The following TENM3 variants were observed in gnomAD, a reference collection of about 807,000 sequenced individuals.
TENM3 encodes teneurin transmembrane protein 3.
A neutral mutation model predicts 255.1 loss-of-function variants in TENM3; 63 were observed. The observed-to-expected ratio is 0.25, with a 90% confidence interval of 0.20 to 0.30. TENM3 has a LOEUF of 0.30. TENM3 is among the 10% of genes least tolerant of loss of function. The probability of loss-of-function intolerance (pLI) is 1.00; values close to 1 mark genes in which losing one functional copy is unlikely to be tolerated. For synonymous variants in TENM3, 1,306 were observed against 1,322.3 expected (o/e 0.99, Z 0.27); for missense variants, 2,929 against 3,461.1 (o/e 0.85, Z 3.86).
chr4:182,034,064 G>A, the TENM3 span, among the ~76,000 whole-genome samples: 1 of 152,134 alleles, frequency 6.6e-6, no homozygotes, highest in African/African-American at 2.4e-5. Context: ...CACAAGTGGT[G>A]GAAGGCAAAG....
upstream of TENM3, among the ~76,000 whole-genome samples, chr4:182,240,178 C>G (rs1757152669): frequency 6.6e-6 from 1 of 152,080 alleles, no homozygotes; most frequent in Non-Finnish European, 1.5e-5. Flanking sequence ...CCACAGCCAC[C>G]CGGATATTTC....
At chr4:182,053,037 C>T in the TENM3 span, among the ~76,000 whole-genome samples, 1 of 152,030 alleles carries the variant, frequency 6.6e-6, no homozygotes, top group Admixed American at 6.6e-5. Context: ...CAGGCTGGAC[C>T]GAAACTTCTG....
intron 3 of TENM3, among the ~76,000 whole-genome samples, chr4:182,599,434 G>T (rs1474928923): frequency 1.3e-5 from 2 of 152,102 alleles, no homozygotes; most frequent in African/African-American, 2.4e-5. Flanking sequence ...ATCAGAAACT[G>T]CAAGGAAGTA....
chr4:182,800,043 A>C lies in TENM3; in HGVS notation c.7792A>C (p.Met2598Leu). ...GRTRRFADVE[M>L]QFGALALHVR... ...GACGCGCAGGTTCGCGGACGTGGAG[A>C]TGCAGTTCGGCGCGCTGGCGCTGCA... is the stretch of plus-strand genomic sequence containing the variant. Residue 2598 changes from methionine (M) to leucine (L), a missense_variant, in exon 28 of 28, where the codon ATG (methionine) becomes CTG (leucine). Met to Leu is a conservative substitution (Grantham distance 15). Coordinates refer to ENST00000511685, the MANE Select transcript of TENM3 (RefSeq NM_001080477.4). The C allele has an allele frequency of 6.2e-7, 1 of 1,600,954 alleles. No individual in the cohort carries two copies. Among genetic ancestry groups the C allele is most frequent in the Admixed American group, 1.7e-5 (1 of 58,628 alleles).
chr4:182,157,648 TC>T (rs75026681), intron 1 of TENM3, among the ~76,000 whole-genome samples: 15,915 of 152,266 alleles, frequency 0.1, 1,054 homozygotes, highest in South Asian at 0.21. Flanking sequence ...TTTGAAGATC[TC>T]CTGTGATTCA....
chr4:182,523,725 C>T (rs1738820743), intron 3 of TENM3, among the ~76,000 whole-genome samples: 1 of 152,070 alleles, frequency 6.6e-6, no homozygotes, highest in African/African-American at 2.4e-5. Context: ...CTGTTTGTTT[C>T]TTGGTTGAAG....
chr4:182,561,985 C>CAGGTAGATAGATAGAT (rs1743234014), intron 3 of TENM3, among the ~76,000 whole-genome samples: 1 of 145,206 alleles, frequency 6.9e-6, no homozygotes, highest in South Asian at 2.3e-4. Flanking sequence ...GATAGATAGA[C>CAGGTAGATAGATAGAT]AGATAGATAG....
chr4:182,557,610 A>G (rs1742700992), intron 3 of TENM3, among the ~76,000 whole-genome samples: 1 of 152,170 alleles, frequency 6.6e-6, no homozygotes, highest in Non-Finnish European at 1.5e-5. Flanking sequence ...GATTGAATCT[A>G]CATATAGTCT....
chr4:182,705,145 G>C (rs1758179933), intron 12 of TENM3, among the ~76,000 whole-genome samples: 1 of 152,172 alleles, frequency 6.6e-6, no homozygotes, highest in Non-Finnish European at 1.5e-5. Flanking sequence ...TTGCTGATTG[G>C]AATAAGTGGA....
intron 3 of TENM3, among the ~76,000 whole-genome samples, chr4:182,441,682 G>A (rs1252259376): frequency 1.3e-5 from 2 of 152,238 alleles, no homozygotes; most frequent in East Asian, 3.9e-4. Flanking sequence ...ATTTTTAGTA[G>A]AGATGGGGTT....
At chr4:182,476,723 C>T (rs1182882318) in intron 3 of TENM3, among the ~76,000 whole-genome samples, 1 of 152,148 alleles carries the variant, frequency 6.6e-6, no homozygotes, top group Non-Finnish European at 1.5e-5. Flanking sequence ...ACAATACTTC[C>T]ACGGATAAAG....
At chr4:181,815,462 CAAA>C in the TENM3 span, among the ~76,000 whole-genome samples, 75 of 82,050 alleles carry the variant, frequency 9.1e-4, no homozygotes, top group East Asian at 0.028. Flanking sequence ...GACTCCCTAT[CAAA>C]AAAAAAAAAA....
At chr4:181,600,525 T>A in the TENM3 span, among the ~76,000 whole-genome samples, 1 of 152,062 alleles carries the variant, frequency 6.6e-6, no homozygotes, top group Non-Finnish European at 1.5e-5. Flanking sequence ...GCAAACACTT[T>A]CCCTAGCTCC....
At chr4:182,258,668 T>C (rs1472715226) in intron 1 of TENM3, among the ~76,000 whole-genome samples, 1 of 152,246 alleles carries the variant, frequency 6.6e-6, no homozygotes, top group East Asian at 1.9e-4. Flanking sequence ...GTATGTGCTA[T>C]AGCCTTTAGT....
intron 1 of TENM3, among the ~76,000 whole-genome samples, chr4:182,212,759 T>C (rs1755140133): frequency 6.6e-6 from 1 of 152,172 alleles, no homozygotes; most frequent in African/African-American, 2.4e-5. Flanking sequence ...GTGTGACAAG[T>C]GGAAGAAAAT....
the TENM3 span, among the ~76,000 whole-genome samples, chr4:181,686,592 C>G: frequency 1.3e-5 from 2 of 152,046 alleles, no homozygotes; most frequent in African/African-American, 4.8e-5. Flanking sequence ...AGACGTGGCT[C>G]CTGGTCTTCA....
intron 3 of TENM3, among the ~76,000 whole-genome samples, chr4:182,495,019 T>C (rs1735648237): frequency 6.6e-6 from 1 of 152,166 alleles, no homozygotes; most frequent in East Asian, 1.9e-4. Context: ...TCAGCACTTT[T>C]TCATAGGCAT....
At chr4:182,170,519 T>C (rs1214373607) in intron 1 of TENM3, among the ~76,000 whole-genome samples, 1 of 152,144 alleles carries the variant, frequency 6.6e-6, no homozygotes, top group Non-Finnish European at 1.5e-5. Flanking sequence ...GAAATAAATA[T>C]ACACGCTGAT....
chr4:182,481,452 A>G (rs1277416403), intron 3 of TENM3, among the ~76,000 whole-genome samples: 3 of 151,664 alleles, frequency 2.0e-5, no homozygotes, highest in Non-Finnish European at 4.4e-5. Context: ...GTAAATCCTC[A>G]CCTTTACACT....
Sources: allele counts gnomAD v4.1 joint callset (sites outside exome capture counted in the v4.1 genomes callset), GRCh38; gene constraint gnomAD v4.1.1; transcripts MANE v1.5; gene names NCBI Gene and HGNC (gene_info 2026-07-23, HGNC 2026-07-21).